The following TTPAL variants were observed in gnomAD, a reference collection of about 807,000 sequenced individuals.
TTPAL encodes alpha-tocopherol transfer protein-like.
TTPAL carries 21 observed loss-of-function variants against 28.7 expected under a neutral mutation model. The observed-to-expected ratio is 0.73, with a 90% CI of 0.52 to 1.06. The LOEUF (loss-of-function observed/expected upper bound fraction) is 1.06. Ranked by LOEUF, TTPAL falls within the 50% of genes least tolerant of loss-of-function variation. The probability of loss-of-function intolerance (pLI) is 0.00; values close to 1 mark genes in which losing one functional copy is unlikely to be tolerated. For missense variants in TTPAL, 345 were observed against 425.5 expected (o/e 0.81, Z 1.67); for synonymous variants, 169 against 171.9 (o/e 0.98, Z 0.13).
Position 44,475,932 on chromosome 20 carries a change from T to TGCGCTGCCGGACGAGGCTC in TTPAL, c.-74_-56dup, listed in dbSNP as rs2064037373. 6.6e-6 allele frequency: 1 copy of TGCGCTGCCGGACGAGGCTC among 152,252 alleles called. No homozygotes were observed. The highest frequency in any genetic ancestry group is 1.5e-5 in the Non-Finnish European group (1 of 68,056). 9.4% of individuals were successfully genotyped at this position (152,252 alleles called of 1,614,324 possible). A position where few individuals can be genotyped will look rare whatever the true frequency, so the allele number is the denominator to read the frequency against. On this transcript the variant is annotated 5_prime_UTR_variant, in exon 1 of 5. Transcript: ENST00000262605. ...GCAGGGAGTGCGGGTCGGTTCTGCG[T>TGCGCTGCCGGACGAGGCTC]GCGCTGCCGGACGAGGCTCCCGCCG...
chr20:44,484,334 T>TA lies in TTPAL; in HGVS notation c.446-2dup, dbSNP rs766559221. The TA allele has an allele frequency of 4.5e-6, 7 of 1,564,492 alleles. 1 individual carries two copies. The Admixed American group carries it at 1.2e-4, about 26-fold the overall frequency. ...ACATACTGTCAATCTCTTATGACCT[T>TA]AGACAGATGGATACCAAGCAACTAT... On this transcript the variant is annotated splice_region_variant and splice_polypyrimidine_tract_variant and intron_variant, in intron 2 of 4. Coordinates refer to ENST00000262605, the MANE Select transcript of TTPAL (RefSeq NM_001039199.3).
intron 2 of TTPAL, among the ~76,000 whole-genome samples, chr20:44,483,658 C>T (rs111564094): frequency 0.012 from 1,798 of 152,234 alleles, 45 homozygotes; most frequent in African/African-American, 0.042. Context: ...GCAGAAAGCA[C>T]AGATGTCCAT....
rs1381928264 is a variant in TTPAL at position 44,494,171 on chromosome 20, G to C, written c.*4630G>C. On this transcript the variant is annotated 3_prime_UTR_variant, in exon 5 of 5. Coordinates refer to ENST00000262605, the MANE Select transcript of TTPAL (RefSeq NM_001039199.3). ...ATGTGATTTGTGGATGGAGATGATA[G>C]TGATGAAATTCCTGTTTCATGGGGC... is the stretch of plus-strand genomic sequence containing the variant. 1 of 152,416 alleles carries C rather than the reference G, an allele frequency of 6.6e-6. No homozygotes were observed. Among genetic ancestry groups the C allele is most frequent in the Non-Finnish European group, 1.5e-5 (1 of 68,040 alleles). The allele number at this position is 152,416 out of a possible 1,614,324, so 9.4% of individuals were successfully genotyped here.
At position 44,480,205 on chromosome 20, in the gene TTPAL, AC is replaced by A; in HGVS notation, c.210del (p.Asn71ThrfsTer2). 6.2e-7 allele frequency: 1 copy of A among 1,614,076 alleles called. No homozygotes were observed. The highest frequency in any genetic ancestry group is 2.2e-5 in the East Asian group (1 of 44,870). ...CTTCGTGACATGGTGCGGAAGGAGTACCCCAACCTGAGCACATCCCTCGACG... is the reference window on the plus strand; with the variant it reads ...CTTCGTGACATGGTGCGGAAGGAGTACCCAACCTGAGCACATCCCTCGACG... ...QALRDMVRKE[Y>X]PNLSTSLDDA... is the part of the protein sequence containing the mutation. On this transcript the variant is annotated frameshift_variant, in exon 2 of 5. Transcript: ENST00000262605. LOFTEE classifies it high-confidence loss of function. This position sits in a 1 kb window ranked among gnomAD's most constrained non-coding sequence, Gnocchi z 4.1.
intron 4 of TTPAL, among the ~76,000 whole-genome samples, chr20:44,488,248 T>G (rs1018775282): frequency 6.6e-5 from 10 of 152,202 alleles, no homozygotes; most frequent in Non-Finnish European, 1.3e-4. Context: ...TGCAAACCAC[T>G]AACTTAGTGG....
chr20:44,482,202 C>T (rs537834836), intron 2 of TTPAL, among the ~76,000 whole-genome samples: 2 of 152,206 alleles, frequency 1.3e-5, no homozygotes, highest in African/African-American at 4.8e-5. Context: ...TTGGCAGCAA[C>T]GTTAGACAGC....
intron 2 of TTPAL, among the ~76,000 whole-genome samples, chr20:44,483,509 A>C (rs921076280): frequency 2.6e-5 from 4 of 152,166 alleles, no homozygotes; most frequent in Non-Finnish European, 5.9e-5. Flanking sequence ...AGATTGGCCA[A>C]TCAATCCCCA....
chr20:44,489,658 G>C lies in TTPAL; in HGVS notation c.*117G>C. The stretch of plus-strand genomic sequence containing the variant: ...CTCCTTGTAATTAAACTGCAGGATG[G>C]AGGAACAGCCTGAGATATGAGCATG... On this transcript the variant is annotated 3_prime_UTR_variant, in exon 5 of 5. Coordinates refer to ENST00000262605, the MANE Select transcript of TTPAL (RefSeq NM_001039199.3). 8.5e-7 allele frequency: 1 copy of C among 1,172,442 alleles called. No individual in the cohort carries two copies. The highest frequency in any genetic ancestry group is 1.6e-5 in the South Asian group (1 of 62,116). 72.6% of individuals were successfully genotyped at this position (1,172,442 alleles called of 1,614,324 possible). A position where few individuals can be genotyped will look rare whatever the true frequency, so the allele number is the denominator to read the frequency against.
At chr20:44,479,903 G>A in intron 1 of TTPAL, 82 bp from the exon 2 acceptor site, 1 of 1,170,994 alleles carries the variant, frequency 8.5e-7, no homozygotes, top group Non-Finnish European at 1.2e-6. Context: ...TTTTACAGAA[G>A]TGTTCCTGTC....
chr20:44,488,059 G>A (rs528968784), intron 4 of TTPAL, among the ~76,000 whole-genome samples: 2 of 152,282 alleles, frequency 1.3e-5, no homozygotes, highest in South Asian at 2.1e-4. Context: ...GTGAGCCACC[G>A]CACTGGGCCC....
In TTPAL at chr20:44,484,360, C is replaced by G. The variant is rs770369910; in HGVS notation, c.469C>G (p.Pro157Ala). ...RPDRWIPSNY[P>A]ITENIRAIYL... Reference sequence around the variant, plus strand: ...AGACAGATGGATACCAAGCAACTATCCAATTACTGAAAACATCCGAGCCAT... The same window carrying G: ...AGACAGATGGATACCAAGCAACTATGCAATTACTGAAAACATCCGAGCCAT... Residue 157 changes from proline (P) to alanine (A), a missense_variant, in exon 3 of 5, where the codon CCA (proline) becomes GCA (alanine). Pro to Ala is a conservative substitution (Grantham distance 27). Transcript: ENST00000262605. 1 of 1,577,580 alleles carries G rather than the reference C, an allele frequency of 6.3e-7. No homozygotes were observed. The highest frequency in any genetic ancestry group is 8.7e-7 in the Non-Finnish European group (1 of 1,151,106).
In TTPAL at chr20:44,491,932, C is replaced by G. The variant is rs1461600921; in HGVS notation, c.*2391C>G. ...TAATGCAGGCATGGCCACAGCTCTC[C>G]TAGAGAATTATCTCAAAGACCAGAA... On this transcript the variant is annotated 3_prime_UTR_variant, in exon 5 of 5. Transcript: ENST00000262605. The G allele has an allele frequency of 6.6e-6, 1 of 152,386 alleles. No homozygotes were observed. The highest frequency in any genetic ancestry group is 2.1e-4 in the South Asian group (1 of 4,834). 9.4% of individuals were successfully genotyped at this position (152,386 alleles called of 1,614,324 possible). A position where few individuals can be genotyped will look rare whatever the true frequency, so the allele number is the denominator to read the frequency against.
In TTPAL at chr20:44,494,047, A is replaced by C. The variant is rs779920950; in HGVS notation, c.*4506A>C. ...AGCAATATTCTGTGTCAAATAAATA[A>C]ATTCATTCTTCTGCTCTCCTGACTT... is the stretch of plus-strand genomic sequence containing the variant. On this transcript the variant is annotated 3_prime_UTR_variant, in exon 5 of 5. Transcript: ENST00000262605. 3.3e-5 allele frequency: 5 copies of C among 152,324 alleles called. No homozygotes were observed. Among genetic ancestry groups the C allele is most frequent in the Non-Finnish European group, 5.9e-5 (4 of 68,048 alleles). The allele number at this position is 152,324 out of a possible 1,614,324, so 9.4% of individuals were successfully genotyped here.
At chr20:44,486,099 T>G (rs2064149399) in intron 3 of TTPAL, 1 of 152,370 alleles carries the variant, frequency 6.6e-6, no homozygotes, top group Admixed American at 6.5e-5. Flanking sequence ...CTTTTTTTTT[T>G]GAGATGGAGT....
chr20:44,486,500 A>C, intron 3 of TTPAL, 96 bp from the exon 4 acceptor site: 2 of 768,668 alleles, frequency 2.6e-6, no homozygotes, highest in Non-Finnish European at 4.5e-6. Context: ...ATCAGATCAG[A>C]CTGATGTTGG....
chr20:44,480,278 C>T lies in TTPAL; in HGVS notation c.279C>T (p.Asp93=), dbSNP rs1346191210. Residue 93 remains aspartate (D), a synonymous_variant, in exon 2 of 5, where the codon GAC becomes GAT. Transcript: ENST00000262605. The surrounding 1 kb of genome is among the most constrained non-coding windows in gnomAD (Gnocchi z 4.1). ...TCCGAGCCCGCAAGTTTGATTACGACCGGGCCCTGCAGCTCCTCGTCAACT... is the reference window on the plus strand; with the variant it reads ...TCCGAGCCCGCAAGTTTGATTACGATCGGGCCCTGCAGCTCCTCGTCAACT... ...RFLRARKFDY[D]RALQLLVNYH... 3.7e-6 allele frequency: 6 copies of T among 1,614,084 alleles called. No homozygotes were observed. The highest frequency in any genetic ancestry group is 1.7e-5 in the Admixed American group (1 of 60,008).
At chr20:44,486,541 G>A (rs1369604307) in intron 3 of TTPAL, 55 bp from the exon 4 acceptor site, 98 of 1,034,238 alleles carry the variant, frequency 9.5e-5, no homozygotes, top group Non-Finnish European at 7.3e-5. Context: ...CTTGGGGGAG[G>A]AAGGTGTGGA....
intron 1 of TTPAL, among the ~76,000 whole-genome samples, chr20:44,479,286 G>T (rs1290014626): frequency 1.3e-5 from 2 of 151,726 alleles, no homozygotes; most frequent in African/African-American, 2.4e-5. Context: ...GGGCATGTAG[G>T]TTTACATTCT....
chr20:44,487,332 C>T (rs749975578), intron 4 of TTPAL, among the ~76,000 whole-genome samples: 27 of 151,924 alleles, frequency 1.8e-4, no homozygotes, highest in Non-Finnish European at 3.5e-4. Flanking sequence ...GTCTCCACTA[C>T]TCAGGAGGCT....
Sources: gnomAD v4.1 joint callset for allele counts (sites outside exome capture counted in the v4.1 genomes callset) on GRCh38, gnomAD v4.1.1 for gene constraint, Gnocchi (gnomAD v3.1) non-coding constraint, MANE v1.5 for transcripts, NCBI Gene and HGNC (gene_info 2026-07-23, HGNC 2026-07-21) for gene names.